The following RBMS3 variants were observed in gnomAD, a reference collection of about 807,000 sequenced individuals.
RBMS3 encodes the protein RNA binding motif single stranded interacting protein 3, also known as RNA-binding motif, single-stranded-interacting protein 3.
Under a neutral mutation model 66.8 loss-of-function variants are expected in RBMS3, and 27 were observed. The ratio of observed to expected loss-of-function variants is 0.40; its 90% confidence interval spans 0.30 to 0.56. RBMS3 has a LOEUF of 0.56. RBMS3 is among the 20% of genes least tolerant of loss of function. The pLI is 0.40. For synonymous variants in RBMS3, 188 were observed against 183.0 expected, an observed-to-expected ratio of 1.03 and a Z score of -0.22; for missense variants, 513 against 549.5, an observed-to-expected ratio of 0.93 and a Z score of 0.66.
chr3:29,705,112 G>A (rs1043594474), intron 4 of RBMS3, among the ~76,000 whole-genome samples: 5 of 152,094 alleles, frequency 3.3e-5, no homozygotes, highest in African/African-American at 4.8e-5. Flanking sequence ...TAGCTTTCTC[G>A]CCCATGTCCA....
intron 6 of RBMS3, among the ~76,000 whole-genome samples, chr3:29,774,619 G>A (rs1559657123): frequency 6.6e-6 from 1 of 152,120 alleles, no homozygotes; most frequent in Admixed American, 6.6e-5. Flanking sequence ...ATCCTTTCTG[G>A]TGGTCTACAA....
chr3:29,557,173 G>A (rs573942259), intron 3 of RBMS3, among the ~76,000 whole-genome samples: 55 of 152,250 alleles, frequency 3.6e-4, no homozygotes, highest in African/African-American at 1.3e-3. Context: ...TCTTTTTCCT[G>A]TACTCCACAT....
chr3:29,542,204 A>G (rs1389723034), intron 3 of RBMS3, among the ~76,000 whole-genome samples: 1 of 152,214 alleles, frequency 6.6e-6, no homozygotes, highest in East Asian at 1.9e-4. Flanking sequence ...GGTGAGATTA[A>G]TAATTCATCA....
intron 6 of RBMS3, among the ~76,000 whole-genome samples, chr3:29,865,901 A>G (rs2059348729): frequency 6.6e-6 from 1 of 152,082 alleles, no homozygotes; most frequent in Non-Finnish European, 1.5e-5. Context: ...GTATTGTTAC[A>G]ACTGCAGGTG....
intron 6 of RBMS3, among the ~76,000 whole-genome samples, chr3:29,807,961 C>T (rs541910848): frequency 1.3e-5 from 2 of 151,828 alleles, no homozygotes; most frequent in South Asian, 2.1e-4. Flanking sequence ...CAAAACCAAG[C>T]ACAGTTTTCT....
intron 1 of RBMS3, among the ~76,000 whole-genome samples, chr3:29,282,265 G>A (rs1050554642): frequency 1.3e-5 from 2 of 152,130 alleles, no homozygotes; most frequent in Non-Finnish European, 2.9e-5. Context: ...TCCTACCAGA[G>A]TCTCTGAGAG....
chr3:29,486,825 TA>T (rs2043339032), intron 2 of RBMS3, among the ~76,000 whole-genome samples: 3 of 152,200 alleles, frequency 2.0e-5, no homozygotes, highest in South Asian at 2.1e-4. Flanking sequence ...GGTTCTTATA[TA>T]AAAATTTCAG....
intron 1 of RBMS3, among the ~76,000 whole-genome samples, chr3:29,384,844 A>G (rs1417446697): frequency 6.6e-6 from 1 of 152,196 alleles, no homozygotes; most frequent in East Asian, 1.9e-4. Flanking sequence ...GAAGAGAGAA[A>G]TGCTTTTTGG....
chr3:29,725,023 A>G (rs2053799444), intron 4 of RBMS3, among the ~76,000 whole-genome samples: 1 of 152,178 alleles, frequency 6.6e-6, no homozygotes, highest in South Asian at 2.1e-4. Context: ...AGCAAATATG[A>G]AAAAATAAGT....
intron 2 of RBMS3, among the ~76,000 whole-genome samples, chr3:29,441,242 A>G (rs554506053): frequency 6.6e-6 from 1 of 152,310 alleles, no homozygotes; most frequent in South Asian, 2.1e-4. Context: ...TTGATTCAGC[A>G]GAGATTTGAC....
chr3:29,862,867 A>C (rs1051367341), intron 6 of RBMS3, among the ~76,000 whole-genome samples: 4 of 151,732 alleles, frequency 2.6e-5, no homozygotes, highest in Non-Finnish European at 5.9e-5. Context: ...GAAAAAAGAA[A>C]AAAAAAAAAA....
chr3:29,826,243 CTG>C (rs1256602367), intron 6 of RBMS3, among the ~76,000 whole-genome samples: 1 of 152,166 alleles, frequency 6.6e-6, no homozygotes, highest in African/African-American at 2.4e-5. Context: ...CCTTTATAAG[CTG>C]TGAGTCTCCT....
At position 29,514,620 on chromosome 3, in the gene RBMS3, A is replaced by C. The variant is rs561970929; in HGVS notation, c.307+26121A>C. The stretch of plus-strand genomic sequence containing the variant: ...CCCCAAATGCTCAAGGGGAGGAGAG[A>C]TAGGTGCATATATATATGTGTGATA... On this transcript the variant is annotated intron_variant, in intron 3 of 14. Transcript: ENST00000383767. Among the ~76,000 whole-genome samples the C allele has an allele frequency of 3.6e-5, 5 of 139,530 alleles. No homozygotes were observed. The South Asian group carries it at 1.2e-3, about 32-fold the overall frequency. 91.5% of individuals were successfully genotyped at this position (139,530 alleles called of 152,430 possible).
At chr3:29,678,056 A>G (rs1262414683) in intron 4 of RBMS3, among the ~76,000 whole-genome samples, 2 of 152,182 alleles carry the variant, frequency 1.3e-5, no homozygotes, top group African/African-American at 4.8e-5. Flanking sequence ...AAAATGAACT[A>G]TGGGGCTAAA....
chr3:29,892,256 G>A (rs2060017831), intron 8 of RBMS3, among the ~76,000 whole-genome samples: 1 of 151,492 alleles, frequency 6.6e-6, no homozygotes, highest in South Asian at 2.1e-4. Context: ...ATCACACTTA[G>A]TTAACGTCTC....
At chr3:29,514,650 C>CATATATATATATATGTAT (rs1553614263) in intron 3 of RBMS3, among the ~76,000 whole-genome samples, 4 of 103,682 alleles carry the variant, frequency 3.9e-5, no homozygotes, top group Non-Finnish European at 5.4e-5. Flanking sequence ...GTGATAGGCA[C>CATATATATATATATGTAT]ATATATATAT....
At chr3:29,899,618 C>T (rs2060204967) in intron 9 of RBMS3, 87 bp from the exon 10 acceptor site, 7 of 1,178,870 alleles carry the variant, frequency 5.9e-6, no homozygotes, top group Non-Finnish European at 8.5e-6. Flanking sequence ...ACTCCACTTT[C>T]TTATGACCTA....
chr3:29,348,707 C>A (rs1414987062), intron 1 of RBMS3, among the ~76,000 whole-genome samples: 1 of 152,134 alleles, frequency 6.6e-6, no homozygotes, highest in Non-Finnish European at 1.5e-5. Flanking sequence ...AAATCGTAAA[C>A]TCCCTGAGCT....
intron 1 of RBMS3, among the ~76,000 whole-genome samples, chr3:29,292,950 G>T (rs908641398): frequency 6.6e-6 from 1 of 151,800 alleles, no homozygotes; most frequent in South Asian, 2.1e-4. Flanking sequence ...TGATGTGGAG[G>T]GGTCCTGTAG....
Sources: gnomAD v4.1 joint callset for allele counts (sites outside exome capture counted in the v4.1 genomes callset) on GRCh38, gnomAD v4.1.1 for gene constraint, MANE v1.5 for transcripts, NCBI Gene and HGNC (gene_info 2026-07-23, HGNC 2026-07-21) for gene names.